The following USP34 variants were observed in gnomAD, a reference collection of about 807,000 sequenced individuals.
USP34 encodes ubiquitin carboxyl-terminal hydrolase 34.
USP34 carries 70 observed loss-of-function variants against 460.3 expected under a neutral mutation model. The observed-to-expected ratio is 0.15, with a 90% CI of 0.13 to 0.19. The LOEUF is 0.19. Ranked by LOEUF, USP34 falls within the 10% of genes least tolerant of loss-of-function variation. The pLI is 1.00. For missense variants in USP34, 3,985 were observed against 4,236.2 expected (o/e 0.94, Z 1.65); for synonymous variants, 1,647 against 1,405.3 (o/e 1.17, Z -3.85).
intron 2 of USP34, among the ~76,000 whole-genome samples, chr2:61,418,875 A>G (rs17009172): frequency 0.028 from 4,320 of 152,306 alleles, 210 homozygotes; most frequent in African/African-American, 0.099. Context: ...CAGGTGAACA[A>G]AATTACAAAT....
intron 2 of USP34, among the ~76,000 whole-genome samples, chr2:61,408,329 A>G (rs1341403548): frequency 6.6e-6 from 1 of 152,178 alleles, no homozygotes; most frequent in Admixed American, 6.5e-5. Context: ...TTTGAGGATA[A>G]TAAATGTTTA....
At chr2:61,383,146 T>A (rs1216774717) in intron 6 of USP34, 123 bp downstream of exon 6, 1 of 554,068 alleles carries the variant, frequency 1.8e-6, no homozygotes, top group African/African-American at 1.9e-5. Flanking sequence ...TACCAAACTG[T>A]TACTTGAAAT....
intron 1 of USP34, among the ~76,000 whole-genome samples, chr2:61,426,169 C>T (rs998230597): frequency 3.9e-5 from 6 of 152,140 alleles, no homozygotes; most frequent in African/African-American, 1.2e-4. Context: ...AGCACATTAC[C>T]AGCTGTGGTG....
At chr2:61,277,890 A>C (rs899045280) in intron 41 of USP34, 4 of 347,086 alleles carry the variant, frequency 1.2e-5, no homozygotes, top group African/African-American at 8.5e-5. Context: ...TTTTATAAGG[A>C]GAAACCGCTT....
chr2:61,228,457 GTTGT>G (rs1429651913), intron 61 of USP34, among the ~76,000 whole-genome samples, 184 bp downstream of exon 61: 2 of 152,154 alleles, frequency 1.3e-5, no homozygotes, highest in Admixed American at 1.3e-4. Flanking sequence ...TCATTACCTA[GTTGT>G]TTCTTTCTTG....
At chr2:61,378,913 G>GAAAAAAAAAAAAC (rs1692880184) in intron 7 of USP34, among the ~76,000 whole-genome samples, 1 of 57,870 alleles carries the variant, frequency 1.7e-5, no homozygotes, top group Non-Finnish European at 2.8e-5. Flanking sequence ...TCAAAAAAAC[G>GAAAAAAAAAAAAC]AAAAAAAAAA....
At chr2:61,463,651 T>C (rs773467942) in intron 1 of USP34, among the ~76,000 whole-genome samples, 1 of 152,064 alleles carries the variant, frequency 6.6e-6, no homozygotes, top group African/African-American at 2.4e-5. Flanking sequence ...CTGGCCAACA[T>C]GGTGAAACCC....
chr2:61,220,379 C>T lies in USP34; in HGVS notation c.7978G>A (p.Val2660Ile). ...ACCCAGTTTTCCATATTCTGTAAGA[C>T]CCAGCTGTGTGCCAGTTTATTTCGG... Reference protein sequence around the residue: ...TPRNKLAHSWVLQNMENWVER... With the variant: ...TPRNKLAHSWILQNMENWVER... The change falls in exon 67 of 80, where the codon GTC becomes ATC. Residue 2660 changes from valine to isoleucine, a missense_variant. Val to Ile is a conservative substitution (Grantham distance 29). Transcript: ENST00000398571. 6.2e-7 allele frequency: 1 copy of T among 1,613,984 alleles called. No homozygotes were observed. The highest frequency in any genetic ancestry group is 8.5e-7 in the Non-Finnish European group (1 of 1,179,910).
chr2:61,334,262 C>A (rs1307058294), intron 18 of USP34, among the ~76,000 whole-genome samples: 2 of 152,112 alleles, frequency 1.3e-5, no homozygotes, highest in African/African-American at 4.8e-5. Context: ...GAAACTATTT[C>A]TTCATAAGTC....
intron 3 of USP34, among the ~76,000 whole-genome samples, chr2:61,398,626 G>A (rs1693616746): frequency 6.6e-6 from 1 of 151,370 alleles, no homozygotes; most frequent in African/African-American, 2.4e-5. Flanking sequence ...GAAAGAGGGA[G>A]GAGAGAGAAA....
intron 8 of USP34, among the ~76,000 whole-genome samples, chr2:61,371,039 T>C (rs147185590): frequency 9.2e-5 from 14 of 152,278 alleles, no homozygotes; most frequent in East Asian, 7.7e-4. Context: ...GCTGATACTA[T>C]TGAAGATTCA....
intron 75 of USP34, 22 bp downstream of exon 75, chr2:61,203,118 A>T: frequency 6.5e-7 from 1 of 1,534,398 alleles, no homozygotes; most frequent in Non-Finnish European, 8.8e-7. Context: ...AGTGGAATTT[A>T]CTGCTCATCT....
chr2:61,371,387 T>A (rs537269532), intron 8 of USP34, among the ~76,000 whole-genome samples: 21 of 150,604 alleles, frequency 1.4e-4, no homozygotes, highest in Middle Eastern at 3.4e-3. Flanking sequence ...CTAGTTTTTT[T>A]AAAAAAAGGC....
intron 74 of USP34, among the ~76,000 whole-genome samples, chr2:61,203,801 T>C (rs968199827): frequency 2.0e-5 from 3 of 152,086 alleles, no homozygotes; most frequent in African/African-American, 7.2e-5. Flanking sequence ...ATTGGCATTA[T>C]TTTAGAATAT....
chr2:61,431,024 A>C (rs889979802), intron 1 of USP34, among the ~76,000 whole-genome samples: 7 of 152,148 alleles, frequency 4.6e-5, no homozygotes, highest in African/African-American at 1.4e-4. Context: ...AAAATAGAAA[A>C]GAAATGAAAC....
Position 61,281,137 on chromosome 2 carries a change from T to C in USP34, c.5104A>G (p.Thr1702Ala), listed in dbSNP as rs747803594. The C allele has an allele frequency of 4.6e-5, 75 of 1,613,754 alleles. No homozygotes were observed. Among genetic ancestry groups the C allele is most frequent in the East Asian group, 3.6e-4 (16 of 44,882 alleles). The change falls in exon 38 of 80, where the codon ACA becomes GCA. Residue 1702 changes from threonine (T) to alanine (A), a missense_variant. Around this residue, in one of 14 missense-constraint regions of USP34, gnomAD observed 1,114 missense variants for 1,122.5 expected, o/e 0.99. Transcript: ENST00000398571. ...GCATCAGGAAGAAATTTCAATAATG[T>C]TGAGGCAGCCAATAGCAGAAAAGAA... is the stretch of plus-strand genomic sequence containing the variant. ...NRSFLLLAAS[T>A]LLKFLPDAQA...
chr2:61,289,029 C>T, intron 33 of USP34, 152 bp from the exon 34 acceptor site: 2 of 733,462 alleles, frequency 2.7e-6, no homozygotes, highest in Non-Finnish European at 4.3e-6. Flanking sequence ...ATATTATGGT[C>T]AGTACCAATT....
intron 76 of USP34, among the ~76,000 whole-genome samples, chr2:61,192,431 G>C (rs980670107): frequency 6.6e-6 from 1 of 152,184 alleles, no homozygotes; most frequent in Non-Finnish European, 1.5e-5. Context: ...TTTTCAAGGA[G>C]ATCGCTGTAA....
chr2:61,327,458 T>C (rs1045065606), intron 20 of USP34, among the ~76,000 whole-genome samples: 2 of 152,226 alleles, frequency 1.3e-5, no homozygotes, highest in African/African-American at 4.8e-5. Flanking sequence ...CAAGGGATTT[T>C]GTAGCAGAGG....
Sources: gnomAD v4.1 joint callset for allele counts (sites outside exome capture counted in the v4.1 genomes callset) on GRCh38, gnomAD v4.1.1 for gene constraint, gnomAD v4.1.1 regional missense constraint, MANE v1.5 for transcripts, NCBI Gene and HGNC (gene_info 2026-07-23, HGNC 2026-07-21) for gene names.